IQGAP1: variants seen among roughly 807,000 people sequenced by gnomAD.
IQGAP1 encodes IQ motif containing GTPase activating protein 1, also known as ras GTPase-activating-like protein IQGAP1.
Under a neutral mutation model 215.6 loss-of-function variants are expected in IQGAP1, and 66 were observed. That is an observed-to-expected ratio of 0.31 (90% CI 0.25 to 0.38). The LOEUF (loss-of-function observed/expected upper bound fraction) is 0.38. Ranked by LOEUF, IQGAP1 falls within the 10% of genes least tolerant of loss-of-function variation. IQGAP1 has a pLI of 1.00. For missense variants in IQGAP1, 1,712 were observed against 1,997.1 expected (o/e 0.86, Z 2.72); for synonymous variants, 772 against 728.7 (o/e 1.06, Z -0.96).
At chr15:90,463,266 G>T (rs1258621941) in intron 15 of IQGAP1, among the ~76,000 whole-genome samples, 1 of 152,196 alleles carries the variant, frequency 6.6e-6, no homozygotes, top group Non-Finnish European at 1.5e-5. Context: ...AATTCTGAAT[G>T]CTTAGAAAGG....
chr15:90,445,682 G>A (rs1965517313), intron 9 of IQGAP1, among the ~76,000 whole-genome samples: 1 of 152,102 alleles, frequency 6.6e-6, no homozygotes, highest in African/African-American at 2.4e-5. Context: ...ATCTTGTTTT[G>A]CTCAAGATAC....
chr15:90,411,256 G>GTTCT lies in IQGAP1; in HGVS notation c.156-14839_156-14836dup, dbSNP rs1024237701. ...GTTAGCCTTAGAAGGCAAGTACTAC[G>GTTCT]TTCTTTCTTTCTTTCTTTTCTTTTC... On this transcript the variant is annotated intron_variant, in intron 2 of 37. Transcript: ENST00000268182. Among the ~76,000 whole-genome samples, 7 of 151,870 alleles carry GTTCT rather than the reference G, an allele frequency of 4.6e-5. No homozygotes were observed. The East Asian group carries it at 5.8e-4, about 13-fold the overall frequency.
intron 11 of IQGAP1, among the ~76,000 whole-genome samples, chr15:90,451,808 A>G (rs904548689): frequency 4.0e-5 from 6 of 149,742 alleles, no homozygotes; most frequent in Admixed American, 4.0e-4. Flanking sequence ...TGAGTTCTCT[A>G]TGGTGTTCTG....
At chr15:90,462,023 A>G (rs1965770978) in intron 15 of IQGAP1, among the ~76,000 whole-genome samples, 1 of 148,582 alleles carries the variant, frequency 6.7e-6, no homozygotes, top group Non-Finnish European at 1.5e-5. Flanking sequence ...TTAGCCCGGC[A>G]TGGTGGTAGG....
intron 2 of IQGAP1, among the ~76,000 whole-genome samples, chr15:90,396,079 G>GT (rs1964715002): frequency 6.6e-6 from 1 of 152,222 alleles, no homozygotes; most frequent in South Asian, 2.1e-4. Context: ...TTAGCACTAA[G>GT]TAGAAGTATG....
Position 90,456,147 on chromosome 15 carries a change from T to G in IQGAP1, c.1613-5T>G. The G allele has an allele frequency of 6.2e-7, 1 of 1,611,466 alleles. No homozygotes were observed. Among genetic ancestry groups the G allele is most frequent in the Non-Finnish European group, 8.5e-7 (1 of 1,179,046 alleles). On this transcript the variant is annotated splice_polypyrimidine_tract_variant and splice_region_variant and intron_variant, in intron 14 of 37. Transcript: ENST00000268182. ...AAAAAAAACTTTCTGTCTCTTTATA[T>G]TTAGGGATTTTAGCCATTGGTTTAA...
At chr15:90,429,131 G>A (rs1965267449) in intron 3 of IQGAP1, among the ~76,000 whole-genome samples, 1 of 152,168 alleles carries the variant, frequency 6.6e-6, no homozygotes, top group Non-Finnish European at 1.5e-5. Context: ...GGGATTACAG[G>A]AATGAGCCAC....
intron 11 of IQGAP1, among the ~76,000 whole-genome samples, chr15:90,452,293 A>T (rs925197352): frequency 6.6e-6 from 1 of 152,210 alleles, no homozygotes; most frequent in Admixed American, 6.5e-5. Context: ...GTGCAGGACA[A>T]TGAGGGAAAA....
intron 9 of IQGAP1, among the ~76,000 whole-genome samples, chr15:90,445,015 TG>T (rs1965507263): frequency 1.3e-5 from 2 of 152,080 alleles, no homozygotes; most frequent in Admixed American, 6.6e-5. Flanking sequence ...CCCAGCTACT[TG>T]GGGGCTGAAG....
At position 90,477,826 on chromosome 15, in the gene IQGAP1, C is replaced by T; in HGVS notation, c.3266C>T (p.Thr1089Ile). 1 of 1,614,036 alleles carries T rather than the reference C, an allele frequency of 6.2e-7. No individual in the cohort carries two copies. The highest frequency in any genetic ancestry group is 1.6e-4 in the Middle Eastern group (1 of 6,062). Reference sequence around the variant, plus strand: ...GATGACAAATCTCTCAACATCAAAACTGACCCTGTGGATATTTACAAATCT... The same window carrying T: ...GATGACAAATCTCTCAACATCAAAATTGACCCTGTGGATATTTACAAATCT... The part of the protein sequence containing the change: ...IMDDKSLNIK[T>I]DPVDIYKSWV... The change falls in exon 26 of 38, where the codon ACT becomes ATT. Residue 1089 changes from threonine to isoleucine, a missense_variant. Physicochemically the swap from Thr to Ile is moderately conservative, Grantham distance 89. This residue lies in a region of IQGAP1 where 691 missense variants were observed against 923.0 expected (regional missense o/e 0.75). Transcript: ENST00000268182.
rs200074499 is a variant in IQGAP1, at chr15:90,484,261, A to G, written c.3830A>G (p.Asp1277Gly). 7.4e-6 allele frequency: 12 copies of G among 1,613,800 alleles called. No homozygotes were observed. The highest frequency in any genetic ancestry group is 1.0e-5 in the Non-Finnish European group (12 of 1,179,854). The change falls in exon 30 of 38, where the codon GAT becomes GGT. Residue 1277 changes from aspartate (D) to glycine (G), a missense_variant. Physicochemically the swap from Asp to Gly is moderately conservative, Grantham distance 94. This residue lies in a region of IQGAP1 where 691 missense variants were observed against 923.0 expected (regional missense o/e 0.75). Coordinates refer to ENST00000268182, the MANE Select transcript of IQGAP1 (RefSeq NM_003870.4). ...GCTTGTGATGTCCCAGAGCTTCAGG[A>G]TAAATTTAATGTGGATGAGTACTCT... is the stretch of plus-strand genomic sequence containing the variant. ...QTACDVPELQ[D>G]KFNVDEYSDL...
At chr15:90,422,672 A>T (rs1193744740) in intron 2 of IQGAP1, among the ~76,000 whole-genome samples, 1 of 123,444 alleles carries the variant, frequency 8.1e-6, no homozygotes, top group African/African-American at 3.5e-5. Context: ...ATATATATAT[A>T]TATATATAAT....
In IQGAP1 at chr15:90,441,535, G is replaced by A. The variant is rs1468287144; in HGVS notation, c.679G>A (p.Ala227Thr). The change falls in exon 8 of 38, where the codon GCT becomes ACT. Residue 227 changes from alanine to threonine, a missense_variant. Around this residue, in one of 2 missense-constraint regions of IQGAP1, gnomAD observed 1,021 missense variants for 1,074.2 expected, o/e 0.95. Transcript: ENST00000268182. ...TGCTGCTGTTATTGCTATTAATGAA[G>A]CTATTGACCGTAGAATTCCAGCCGA... is the stretch of plus-strand genomic sequence containing the variant. ...LHAAVIAINEAIDRRIPADTF... is the reference protein window; with the variant it reads ...LHAAVIAINETIDRRIPADTF... The A allele has an allele frequency of 1.2e-6, 2 of 1,612,748 alleles. No homozygotes were observed. The highest frequency in any genetic ancestry group is 1.7e-6 in the Non-Finnish European group (2 of 1,179,656).
chr15:90,436,859 G>A (rs759901636), intron 5 of IQGAP1, among the ~76,000 whole-genome samples: 17 of 152,162 alleles, frequency 1.1e-4, no homozygotes, highest in Non-Finnish European at 2.5e-4. Context: ...AAAGAAAGAT[G>A]GTGCCCATGT....
chr15:90,481,269 C>CTTTTTTTTT (rs57452745), intron 26 of IQGAP1, among the ~76,000 whole-genome samples: 2 of 113,180 alleles, frequency 1.8e-5, no homozygotes, highest in African/African-American at 6.7e-5. Flanking sequence ...CTCTCTGCCT[C>CTTTTTTTTT]TTTTTTTTTT....
chr15:90,408,943 C>T (rs1357036447), intron 2 of IQGAP1, among the ~76,000 whole-genome samples: 1 of 152,148 alleles, frequency 6.6e-6, no homozygotes, highest in Non-Finnish European at 1.5e-5. Context: ...AGATGCATGC[C>T]ACCATGCTGG....
intron 1 of IQGAP1, among the ~76,000 whole-genome samples, chr15:90,390,135 G>C (rs1013251796): frequency 1.3e-5 from 2 of 152,108 alleles, no homozygotes; most frequent in Non-Finnish European, 2.9e-5. Flanking sequence ...GACCAGACTG[G>C]GAAAGGCCTT....
intron 11 of IQGAP1, 31 bp downstream of exon 11, chr15:90,449,674 A>G: frequency 2.6e-6 from 4 of 1,563,356 alleles, no homozygotes; most frequent in Non-Finnish European, 3.5e-6. Context: ...TATGGGAGGA[A>G]AGTTGTGGCT....
intron 2 of IQGAP1, among the ~76,000 whole-genome samples, chr15:90,409,913 T>A (rs1964934709): frequency 1.3e-5 from 2 of 152,332 alleles, no homozygotes; most frequent in Admixed American, 1.3e-4. Context: ...TGATGAGCAT[T>A]TTTTCATGTG....
Sources: allele counts gnomAD v4.1 joint callset (sites outside exome capture counted in the v4.1 genomes callset), GRCh38; gene constraint gnomAD v4.1.1; regional missense constraint gnomAD v4.1.1; transcripts MANE v1.5; gene names NCBI Gene and HGNC (gene_info 2026-07-23, HGNC 2026-07-21).